Variants in ASTN2 observed in about 807,000 individuals in gnomAD.
ASTN2 encodes astrotactin-2.
In ASTN2, 54 loss-of-function variants were observed where a neutral mutation model predicts 139.8. The ratio of observed to expected loss-of-function variants is 0.39; its 90% confidence interval spans 0.31 to 0.48. The LOEUF (loss-of-function observed/expected upper bound fraction) is 0.48. Ranked by LOEUF, ASTN2 falls within the 20% of genes least tolerant of loss-of-function variation. The probability of loss-of-function intolerance (pLI) is 0.95; values close to 1 mark genes in which losing one functional copy is unlikely to be tolerated. For synonymous variants in ASTN2, 756 were observed against 719.5 expected (o/e 1.05, Z -0.81); for missense variants, 1,565 against 1,725.1 (o/e 0.91, Z 1.64).
At chr9:116,759,385 T>C (rs926988203) in intron 13 of ASTN2, among the ~76,000 whole-genome samples, 2 of 152,198 alleles carry the variant, frequency 1.3e-5, no homozygotes, top group Admixed American at 1.3e-4. Context: ...AAAACATACA[T>C]AACCGATTGT....
chr9:117,023,975 G>C (rs937941532), intron 6 of ASTN2, among the ~76,000 whole-genome samples: 1 of 152,074 alleles, frequency 6.6e-6, no homozygotes, highest in Non-Finnish European at 1.5e-5. Context: ...GAGGGTGCGA[G>C]GTTGGGGAGG....
intron 3 of ASTN2, among the ~76,000 whole-genome samples, chr9:117,181,979 A>C (rs967641237): frequency 6.6e-6 from 1 of 152,008 alleles, no homozygotes; most frequent in Non-Finnish European, 1.5e-5. Context: ...TCCCCACCCC[A>C]TGCTGCCACC....
At chr9:117,163,115 C>T (rs563885306) in intron 3 of ASTN2, among the ~76,000 whole-genome samples, 1 of 152,172 alleles carries the variant, frequency 6.6e-6, no homozygotes, top group South Asian at 2.1e-4. Context: ...GGGTTACAAA[C>T]AGTAGCTAAA....
chr9:116,746,802 C>T (rs1021388974), intron 13 of ASTN2, among the ~76,000 whole-genome samples: 10 of 152,258 alleles, frequency 6.6e-5, no homozygotes, highest in Admixed American at 2.0e-4. Flanking sequence ...TTCCCAGTCA[C>T]CCTCTGTCTC....
intron 20 of ASTN2, among the ~76,000 whole-genome samples, chr9:116,454,557 T>C (rs1472378624): frequency 6.6e-6 from 1 of 152,160 alleles, no homozygotes; most frequent in Admixed American, 6.5e-5. Context: ...ACCCAAATGA[T>C]TATAAATCAT....
chr9:116,575,653 G>A (rs1040398737), intron 19 of ASTN2, among the ~76,000 whole-genome samples: 4 of 152,122 alleles, frequency 2.6e-5, no homozygotes, highest in African/African-American at 9.7e-5. Context: ...ATATAGAAAA[G>A]GCACTGTCTG....
intron 16 of ASTN2, among the ~76,000 whole-genome samples, chr9:116,660,499 T>C (rs928622443): frequency 6.6e-6 from 1 of 152,188 alleles, no homozygotes; most frequent in Non-Finnish European, 1.5e-5. Context: ...AGTACCTAAA[T>C]ATTGGATTAT....
chr9:117,212,689 T>C (rs1237086646), intron 3 of ASTN2, among the ~76,000 whole-genome samples: 1 of 152,142 alleles, frequency 6.6e-6, no homozygotes, highest in African/African-American at 2.4e-5. Flanking sequence ...GAAAACATGC[T>C]CCTTATTAGT....
At chr9:117,342,013 G>A (rs570616047) in intron 1 of ASTN2, among the ~76,000 whole-genome samples, 1 of 152,258 alleles carries the variant, frequency 6.6e-6, no homozygotes, top group South Asian at 2.1e-4. Flanking sequence ...CTATAGCTAT[G>A]GTTATTCTCT....
At position 116,424,071 on chromosome 9, in the gene ASTN2, C is replaced by A. The variant is rs912518754; in HGVS notation, c.*1780G>T. On this transcript the variant is annotated 3_prime_UTR_variant, in exon 23 of 23. Transcript: ENST00000313400. ...CTGACCTACATCCCATCTGCTCAAG[C>A]TAGGTAGCTTATTTGAGCTAATATG... Among the ~76,000 whole-genome samples, 4 of 152,156 alleles carry A rather than the reference C, an allele frequency of 2.6e-5. 1 individual carries two copies. The highest frequency in any genetic ancestry group is 9.7e-5 in the African/African-American group (4 of 41,420).
chr9:116,686,839 G>A, intron 16 of ASTN2: 1 of 1,550,096 alleles, frequency 6.5e-7, no homozygotes, highest in South Asian at 1.2e-5. Flanking sequence ...CTCTCTGTCA[G>A]AGCACAGAAC....
chr9:117,220,417 A>C (rs1056464012), intron 2 of ASTN2, among the ~76,000 whole-genome samples: 2 of 151,936 alleles, frequency 1.3e-5, no homozygotes, highest in Non-Finnish European at 2.9e-5. Context: ...GCACCCTCTC[A>C]CTCACTCGAC....
chr9:116,620,543 G>C (rs563589596), intron 17 of ASTN2, 100 bp from the exon 18 acceptor site: 5 of 1,455,764 alleles, frequency 3.4e-6, no homozygotes, highest in East Asian at 2.3e-5. Context: ...GAGGGCTTTA[G>C]AGTAGCCCCT....
chr9:116,938,343 C>T (rs1835132651), intron 10 of ASTN2, among the ~76,000 whole-genome samples: 1 of 152,146 alleles, frequency 6.6e-6, no homozygotes, highest in Non-Finnish European at 1.5e-5. Flanking sequence ...TAATGCAAAT[C>T]AGAACAGAAT....
chr9:117,239,753 A>C (rs559569738), intron 2 of ASTN2, among the ~76,000 whole-genome samples: 2 of 152,282 alleles, frequency 1.3e-5, no homozygotes, highest in South Asian at 4.1e-4. Flanking sequence ...CCAAACATAA[A>C]AGCCCCATGA....
intron 7 of ASTN2, among the ~76,000 whole-genome samples, chr9:117,001,612 A>G (rs1018163328): frequency 3.3e-5 from 5 of 152,136 alleles, no homozygotes; most frequent in African/African-American, 1.2e-4. Context: ...TCCTAGAATC[A>G]TTATAAACTT....
intron 16 of ASTN2, among the ~76,000 whole-genome samples, chr9:116,658,733 C>CTTTTTTTTTTTTTTTTTTTTTTTTTT (rs71502074): frequency 9.9e-6 from 1 of 101,100 alleles, no homozygotes; most frequent in Non-Finnish European, 1.9e-5. Context: ...GACCACCGCT[C>CTTTTTTTTTTTTTTTTTTTTTTTTTT]TTTTTTTTTT....
chr9:116,650,575 A>C (rs1438560628), intron 17 of ASTN2, among the ~76,000 whole-genome samples: 2 of 152,198 alleles, frequency 1.3e-5, no homozygotes, highest in Admixed American at 6.5e-5. Flanking sequence ...TTTCATATGA[A>C]TCGAACCAAT....
intron 1 of ASTN2, among the ~76,000 whole-genome samples, chr9:117,347,360 C>T (rs933448046): frequency 6.6e-6 from 1 of 152,030 alleles, no homozygotes; most frequent in Admixed American, 6.6e-5. Flanking sequence ...TTTAGTCTCT[C>T]ATTTGCTCTC....
Sources: gnomAD v4.1 joint callset for allele counts (sites outside exome capture counted in the v4.1 genomes callset) on GRCh38, gnomAD v4.1.1 for gene constraint, MANE v1.5 for transcripts, NCBI Gene and HGNC (gene_info 2026-07-23, HGNC 2026-07-21) for gene names.